HSD17B12: variants seen among roughly 807,000 people sequenced by gnomAD.
HSD17B12 encodes the protein very-long-chain 3-oxoacyl-CoA reductase.
Under a neutral mutation model 39.3 loss-of-function variants are expected in HSD17B12, and 32 were observed. The observed-to-expected ratio is 0.81, with a 90% confidence interval of 0.61 to 1.09. HSD17B12 has a LOEUF of 1.09. HSD17B12 is among the 50% of genes least tolerant of loss of function. The pLI is 0.00. For missense variants in HSD17B12, 342 were observed against 382.9 expected (o/e 0.89, Z 0.89); for synonymous variants, 150 against 146.7 (o/e 1.02, Z -0.16).
chr11:43,578,923 G>A, the HSD17B12 span: 2 of 152,176 alleles, frequency 1.3e-5, no homozygotes, highest in Non-Finnish European at 2.9e-5. Context: ...TGGTAGCGGT[G>A]TAATTTTGGT....
chr11:43,749,083 T>C (rs1250357517), intron 1 of HSD17B12, among the ~76,000 whole-genome samples: 4 of 152,166 alleles, frequency 2.6e-5, no homozygotes, highest in African/African-American at 4.8e-5. Context: ...CATTATCCCT[T>C]ATGAAGTACT....
chr11:43,591,597 TA>T, the HSD17B12 span, among the ~76,000 whole-genome samples: 13 of 152,276 alleles, frequency 8.5e-5, no homozygotes, highest in Admixed American at 7.8e-4. Flanking sequence ...AAAATCTTTT[TA>T]AAAGAAGGAA....
intron 1 of HSD17B12, among the ~76,000 whole-genome samples, chr11:43,716,644 T>G (rs1052144311): frequency 6.6e-6 from 1 of 151,284 alleles, no homozygotes; most frequent in Non-Finnish European, 1.5e-5. Context: ...CTGGAGGAAT[T>G]AACAATCTAG....
intron 1 of HSD17B12, among the ~76,000 whole-genome samples, chr11:43,717,453 A>G (rs972080722): frequency 1.3e-5 from 2 of 152,218 alleles, no homozygotes; most frequent in African/African-American, 2.4e-5. Context: ...ACCTATTGCT[A>G]TATAACAAAC....
intron 1 of HSD17B12, among the ~76,000 whole-genome samples, chr11:43,749,207 C>T (rs1474621981): frequency 1.3e-5 from 2 of 152,026 alleles, no homozygotes; most frequent in African/African-American, 4.8e-5. Flanking sequence ...AACCTATGAC[C>T]TAATATCTTA....
chr11:43,833,432 G>A (rs1951334182), intron 7 of HSD17B12: 1 of 152,166 alleles, frequency 6.6e-6, no homozygotes, highest in African/African-American at 2.4e-5. Context: ...CCAGCTGACA[G>A]ATGAAAGACA....
At chr11:43,653,705 C>A in the HSD17B12 span, among the ~76,000 whole-genome samples, 1 of 152,114 alleles carries the variant, frequency 6.6e-6, no homozygotes, top group Non-Finnish European at 1.5e-5. Flanking sequence ...CCAGCTTCAT[C>A]CATGTCCTTA....
At chr11:43,629,094 G>C in the HSD17B12 span, among the ~76,000 whole-genome samples, 1 of 152,082 alleles carries the variant, frequency 6.6e-6, no homozygotes, top group Admixed American at 6.6e-5. Flanking sequence ...GGTGGATGTG[G>C]ACGTTGATTT....
chr11:43,715,096 C>G (rs1035368503), intron 1 of HSD17B12, among the ~76,000 whole-genome samples: 1 of 152,110 alleles, frequency 6.6e-6, no homozygotes, highest in South Asian at 2.1e-4. Context: ...TTCCTCTTTT[C>G]CTAATTGAAT....
chr11:43,673,487 CTTTTCTTTTTT>C, the HSD17B12 span: 8 of 70,386 alleles, frequency 1.1e-4, no homozygotes, highest in South Asian at 2.8e-3. Context: ...CTTTTCTTTT[CTTTTCTTTTTT>C]TTTTTTTTTT....
At chr11:43,784,301 ATATTATTATTATTAT>A (rs36168037) in intron 3 of HSD17B12, among the ~76,000 whole-genome samples, 72 of 143,116 alleles carry the variant, frequency 5.0e-4, no homozygotes, top group East Asian at 4.6e-3. Flanking sequence ...TCAGGGATTG[ATATTATTATTATTAT>A]TATTATTATT....
rs377362246 is a variant in HSD17B12, at chr11:43,801,144, G to GA, written c.391+2727dup. Among the ~76,000 whole-genome samples, 1,149 of 139,836 alleles carry GA rather than the reference G, an allele frequency of 8.2e-3. 20 individuals are homozygous for GA. The highest frequency in any genetic ancestry group is 0.028 in the African/African-American group (1,066 of 38,040). 91.7% of individuals were successfully genotyped at this position (139,836 alleles called of 152,430 possible). On this transcript the variant is annotated intron_variant, in intron 4 of 10. Coordinates refer to ENST00000278353, the MANE Select transcript of HSD17B12 (RefSeq NM_016142.3). ...ACAAAGTGAGACTCTGTCTCAAAAA[G>GA]AAAAAAAAAAGAGCTATACTGCATT...
chr11:43,589,650 T>G, the HSD17B12 span, among the ~76,000 whole-genome samples: 1 of 152,186 alleles, frequency 6.6e-6, no homozygotes, highest in African/African-American at 2.4e-5. Context: ...TAAAAATAAT[T>G]ATAATAAACG....
chr11:43,570,697 C>G, the HSD17B12 span, among the ~76,000 whole-genome samples: 8 of 152,174 alleles, frequency 5.3e-5, no homozygotes, highest in Admixed American at 3.9e-4. Context: ...AAAACAGATC[C>G]TGAGGATTGA....
chr11:43,596,275 G>C, the HSD17B12 span, among the ~76,000 whole-genome samples: 1 of 152,082 alleles, frequency 6.6e-6, no homozygotes, highest in Admixed American at 6.5e-5. Context: ...CTGTGATTTA[G>C]TGGCTGGTCT....
the HSD17B12 span, among the ~76,000 whole-genome samples, chr11:43,640,070 A>C: frequency 1.3e-5 from 2 of 152,132 alleles, no homozygotes; most frequent in African/African-American, 4.8e-5. Flanking sequence ...CAAAAATAAA[A>C]TCAGAATATG....
intron 10 of HSD17B12, 69 bp from the exon 11 acceptor site, chr11:43,855,075 A>C (rs1951569897): frequency 8.3e-7 from 1 of 1,209,086 alleles, no homozygotes; most frequent in Admixed American, 2.2e-5. Flanking sequence ...TAAAACATTA[A>C]ATCATATGCT....
the HSD17B12 span, among the ~76,000 whole-genome samples, chr11:43,647,990 A>G: frequency 1.2e-4 from 18 of 152,196 alleles, no homozygotes; most frequent in African/African-American, 4.3e-4. Flanking sequence ...GAGCAAACCA[A>G]CACTTACTTC....
chr11:43,849,257 A>C (rs955714467), intron 9 of HSD17B12, among the ~76,000 whole-genome samples: 2 of 152,154 alleles, frequency 1.3e-5, no homozygotes, highest in Non-Finnish European at 1.5e-5. Context: ...GTGAGCTGAG[A>C]TCGCACCACT....
Sources: allele counts gnomAD v4.1 joint callset (sites outside exome capture counted in the v4.1 genomes callset), GRCh38; gene constraint gnomAD v4.1.1; transcripts MANE v1.5; gene names NCBI Gene and HGNC (gene_info 2026-07-23, HGNC 2026-07-21).